The following CTNNA2 variants were observed in gnomAD, a reference collection of about 807,000 sequenced individuals.
CTNNA2 encodes catenin alpha-2.
CTNNA2 carries 42 observed loss-of-function variants against 101.0 expected under a neutral mutation model. The observed-to-expected ratio is 0.42, with a 90% CI of 0.32 to 0.54. CTNNA2 has a LOEUF of 0.54. Ranked by LOEUF, CTNNA2 falls within the 20% of genes least tolerant of loss-of-function variation. The probability of loss-of-function intolerance (pLI) is 0.14; values close to 1 mark genes in which losing one functional copy is unlikely to be tolerated. For synonymous variants in CTNNA2, 450 were observed against 456.4 expected (o/e 0.99, Z 0.18); for missense variants, 871 against 1,223.1 (o/e 0.71, Z 4.29).
At chr2:80,073,887 A>C (rs927305837) in intron 7 of CTNNA2, among the ~76,000 whole-genome samples, 2 of 152,110 alleles carry the variant, frequency 1.3e-5, no homozygotes, top group Admixed American at 1.3e-4. Context: ...ATGGCTGCAT[A>C]TTGTTCCATC....
At chr2:79,424,342 A>G (rs1159485960) in intron 4 of CTNNA2, among the ~76,000 whole-genome samples, 1 of 152,154 alleles carries the variant, frequency 6.6e-6, no homozygotes, top group East Asian at 1.9e-4. Context: ...TTCATATTCA[A>G]GTTTTCCCCT....
chr2:79,313,708 A>G (rs1311559818), intron 3 of CTNNA2, among the ~76,000 whole-genome samples: 1 of 152,160 alleles, frequency 6.6e-6, no homozygotes, highest in East Asian at 1.9e-4. Flanking sequence ...TGACAGAAAC[A>G]TGCAGGTCTG....
chr2:80,035,696 G>A (rs542593117), intron 7 of CTNNA2, among the ~76,000 whole-genome samples: 36 of 152,160 alleles, frequency 2.4e-4, no homozygotes, highest in African/African-American at 8.4e-4. Flanking sequence ...AAAAAAAGAA[G>A]GAAGTAAAAT....
intron 8 of CTNNA2, among the ~76,000 whole-genome samples, chr2:80,396,001 T>G (rs2149371510): frequency 6.6e-6 from 1 of 152,314 alleles, no homozygotes; most frequent in South Asian, 2.1e-4. Context: ...CCCTGGAGCC[T>G]TGAAAAGTTT....
intron 4 of CTNNA2, among the ~76,000 whole-genome samples, chr2:79,435,913 G>T (rs951631208): frequency 1.3e-5 from 2 of 152,136 alleles, no homozygotes; most frequent in African/African-American, 4.8e-5. Flanking sequence ...AGATACTAAG[G>T]TTAATACCAA....
chr2:80,520,867 TA>T (rs1689485532), intron 9 of CTNNA2, among the ~76,000 whole-genome samples: 1 of 152,276 alleles, frequency 6.6e-6, no homozygotes, highest in African/African-American at 2.4e-5. Context: ...AGTTTGTCAG[TA>T]AAAAAGAGTG....
chr2:80,140,540 G>A (rs969444003), intron 7 of CTNNA2, among the ~76,000 whole-genome samples: 5 of 151,992 alleles, frequency 3.3e-5, no homozygotes, highest in East Asian at 1.9e-4. Context: ...GTGCTTGTAC[G>A]TCCCACATTT....
chr2:80,157,088 G>C (rs1704033535), intron 7 of CTNNA2, among the ~76,000 whole-genome samples: 1 of 152,122 alleles, frequency 6.6e-6, no homozygotes, highest in African/African-American at 2.4e-5. Context: ...CTGCAAAGAG[G>C]AATAGAATGT....
chr2:80,147,500 A>T (rs1703427679), intron 7 of CTNNA2, among the ~76,000 whole-genome samples: 1 of 152,164 alleles, frequency 6.6e-6, no homozygotes, highest in Non-Finnish European at 1.5e-5. Flanking sequence ...CCAAGATTAG[A>T]AGAAAACACT....
chr2:79,768,234 G>C (rs1177489648), intron 3 of CTNNA2, among the ~76,000 whole-genome samples: 1 of 151,672 alleles, frequency 6.6e-6, no homozygotes, highest in African/African-American at 2.4e-5. Context: ...CAGTGCCAGA[G>C]GTGCTCTTTG....
chr2:80,222,394 G>A (rs1312681259), intron 7 of CTNNA2, among the ~76,000 whole-genome samples: 1 of 151,792 alleles, frequency 6.6e-6, no homozygotes, highest in Non-Finnish European at 1.5e-5. Context: ...TATTAAATTT[G>A]CTGTTTATAT....
At chr2:79,739,344 C>G (rs1018949519) in intron 2 of CTNNA2, among the ~76,000 whole-genome samples, 1 of 152,150 alleles carries the variant, frequency 6.6e-6, no homozygotes, top group Admixed American at 6.5e-5. Context: ...CTTCCATTCA[C>G]TGAAAGAAAA....
At chr2:79,926,358 A>G (rs757479756) in intron 7 of CTNNA2, among the ~76,000 whole-genome samples, 8 of 152,130 alleles carry the variant, frequency 5.3e-5, no homozygotes, top group Non-Finnish European at 1.2e-4. Flanking sequence ...AAGAATATAG[A>G]TGTAATATTT....
chr2:79,250,520 G>A (rs1189035062), intron 2 of CTNNA2, among the ~76,000 whole-genome samples: 1 of 152,154 alleles, frequency 6.6e-6, no homozygotes, highest in Non-Finnish European at 1.5e-5. Flanking sequence ...CTCAGAGGTA[G>A]GAGGCTTCAG....
chr2:79,395,645 T>G (rs1287747497), intron 4 of CTNNA2, among the ~76,000 whole-genome samples: 1 of 152,180 alleles, frequency 6.6e-6, no homozygotes, highest in Non-Finnish European at 1.5e-5. Context: ...GAAGTCCATT[T>G]CCTATCTTTA....
chr2:79,584,975 A>T (rs1451840665), intron 1 of CTNNA2, among the ~76,000 whole-genome samples: 2 of 152,212 alleles, frequency 1.3e-5, no homozygotes, highest in African/African-American at 2.4e-5. Context: ...ATTTGGGGAA[A>T]AGTGTTCCTA....
chr2:80,465,526 G>C (rs566916985), intron 9 of CTNNA2, among the ~76,000 whole-genome samples: 1 of 152,244 alleles, frequency 6.6e-6, no homozygotes, highest in South Asian at 2.1e-4. Context: ...AATGCTTGAA[G>C]AAGGCCACAG....
At chr2:80,414,572 A>G (rs970302688) in intron 8 of CTNNA2, among the ~76,000 whole-genome samples, 3 of 152,180 alleles carry the variant, frequency 2.0e-5, no homozygotes, top group African/African-American at 7.2e-5. Flanking sequence ...TTTTCAAAGA[A>G]TACTTTCCTC....
At chr2:79,952,145 A>T (rs74702887) in intron 7 of CTNNA2, among the ~76,000 whole-genome samples, 3,359 of 152,192 alleles carry the variant, frequency 0.022, 136 homozygotes, top group African/African-American at 0.077. Flanking sequence ...TTTGTATTGT[A>T]TTTGTGGTCT....
Sources: allele counts gnomAD v4.1 joint callset (sites outside exome capture counted in the v4.1 genomes callset), GRCh38; gene constraint gnomAD v4.1.1; transcripts MANE v1.5; gene names NCBI Gene and HGNC (gene_info 2026-07-23, HGNC 2026-07-21).